MBD2: variants seen among roughly 807,000 people sequenced by gnomAD.
MBD2 encodes the protein methyl-CpG binding domain protein 2.
A neutral mutation model predicts 39.3 loss-of-function variants in MBD2; 9 were observed. That is an observed-to-expected ratio of 0.23 (90% CI 0.14 to 0.40). The LOEUF is 0.40. MBD2 is among the 10% of genes least tolerant of loss of function. The pLI is 1.00. For synonymous variants in MBD2, 233 were observed against 211.1 expected (o/e 1.10, Z -0.90); for missense variants, 458 against 532.6 (o/e 0.86, Z 1.38).
At chr18:54,190,572 G>A (rs1171617763) in intron 2 of MBD2, among the ~76,000 whole-genome samples, 1 of 152,174 alleles carries the variant, frequency 6.6e-6, no homozygotes, top group Admixed American at 6.5e-5. Flanking sequence ...TAAATGTGTG[G>A]AGAGCTCACG....
intron 1 of MBD2, among the ~76,000 whole-genome samples, chr18:54,209,383 G>A (rs1239055268): frequency 1.3e-5 from 2 of 150,908 alleles, no homozygotes; most frequent in African/African-American, 4.9e-5. Flanking sequence ...AGTTGGCAAT[G>A]AAGGAAAAAA....
At chr18:54,194,557 G>GTATATATATATATATATATATATATATA (rs147119140) in intron 2 of MBD2, among the ~76,000 whole-genome samples, 6 of 148,710 alleles carry the variant, frequency 4.0e-5, no homozygotes, top group African/African-American at 1.5e-4. Flanking sequence ...GTGTGTGTGT[G>GTATATATATATATATATATATATATATA]TATATATATA....
In MBD2 at chr18:54,166,155, C is replaced by T. The variant is rs772569943; in HGVS notation, c.852G>A (p.Glu284=). The T allele has an allele frequency of 1.4e-5, 23 of 1,612,704 alleles. No homozygotes were observed. Among genetic ancestry groups the T allele is most frequent in the African/African-American group, 2.7e-5 (2 of 74,914 alleles). The change falls in exon 4 of 7, where the codon GAG becomes GAA. Residue 284 remains glutamate, a synonymous_variant. Transcript: ENST00000256429. ...ATGCACTAAGTCCTTGTAGCCTCTT[C>T]TCCCAGAAAAGCTGTAAGGCAAAAT... ...MNEQPRQLFW[E]KRLQGLSASD...
At chr18:54,167,914 A>G (rs184541840) in intron 3 of MBD2, among the ~76,000 whole-genome samples, 95 of 151,700 alleles carry the variant, frequency 6.3e-4, no homozygotes, top group Non-Finnish European at 1.1e-3. Context: ...CTCTGGTGGA[A>G]TAACATCATC....
At chr18:54,204,929 T>A in intron 2 of MBD2, 69 bp downstream of exon 2, 1 of 1,486,998 alleles carries the variant, frequency 6.7e-7, no homozygotes, top group East Asian at 2.3e-5. Context: ...AGTCACTTAA[T>A]TATGATGTGA....
intron 1 of MBD2, among the ~76,000 whole-genome samples, chr18:54,212,712 T>C (rs537810548): frequency 1.3e-5 from 2 of 148,998 alleles, no homozygotes; most frequent in South Asian, 4.2e-4. Flanking sequence ...ATATCAAGAC[T>C]CTGGGCAAGT....
intron 5 of MBD2, among the ~76,000 whole-genome samples, chr18:54,163,109 T>C (rs2144279940): frequency 6.6e-6 from 1 of 151,948 alleles, no homozygotes; most frequent in South Asian, 2.1e-4. Flanking sequence ...CTGTCTCTAC[T>C]AAAAATAAAA....
At chr18:54,195,172 T>A (rs999870391) in intron 2 of MBD2, among the ~76,000 whole-genome samples, 1 of 152,076 alleles carries the variant, frequency 6.6e-6, no homozygotes, top group Non-Finnish European at 1.5e-5. Context: ...ATGTAAAGCC[T>A]CCACACAGCA....
intron 3 of MBD2, among the ~76,000 whole-genome samples, chr18:54,180,256 CCA>C (rs1234915957): frequency 6.6e-6 from 1 of 151,994 alleles, no homozygotes; most frequent in Non-Finnish European, 1.5e-5. Context: ...TTAATTCTCC[CCA>C]CAGATTTACA....
At position 54,220,079 on chromosome 18, in the gene MBD2, G is replaced by A. The variant is rs2086597384; in HGVS notation, c.542+3939C>T. The stretch of plus-strand genomic sequence containing the variant: ...GCCTCCCAAAGTGCTGGGATTACAG[G>A]CGTGAGCCACAGCGACCGACCTAGA... On this transcript the variant is annotated intron_variant, in intron 1 of 6. Coordinates refer to ENST00000256429, the MANE Select transcript of MBD2 (RefSeq NM_003927.5). Among the ~76,000 whole-genome samples, 4 of 152,316 alleles carry A rather than the reference G, an allele frequency of 2.6e-5. No individual in the cohort carries two copies. In the East Asian group the frequency reaches 7.7e-4, roughly 29 times the overall value.
intron 3 of MBD2, among the ~76,000 whole-genome samples, chr18:54,169,623 C>T (rs565989964): frequency 3.9e-5 from 6 of 152,258 alleles, no homozygotes; most frequent in Admixed American, 2.0e-4. Context: ...AAGGACTCCC[C>T]CTCTATGATG....
intron 3 of MBD2, among the ~76,000 whole-genome samples, chr18:54,170,085 T>C (rs1195008786): frequency 6.6e-6 from 1 of 152,232 alleles, no homozygotes; most frequent in Non-Finnish European, 1.5e-5. Flanking sequence ...TAACTGACAG[T>C]GCAGAGCATC....
chr18:54,191,224 G>C (rs2086317996), intron 2 of MBD2, among the ~76,000 whole-genome samples: 3 of 152,124 alleles, frequency 2.0e-5, no homozygotes, highest in Admixed American at 1.3e-4. Context: ...CCTGGCACTG[G>C]GCATTCAGCA....
At chr18:54,189,231 T>TA (rs2086303180) in intron 2 of MBD2, among the ~76,000 whole-genome samples, 1 of 150,032 alleles carries the variant, frequency 6.7e-6, no homozygotes, top group African/African-American at 2.4e-5. Flanking sequence ...TACTTTTTTT[T>TA]TTTTTTTTTT....
chr18:54,180,897 C>CCTT (rs2086246150), intron 3 of MBD2, among the ~76,000 whole-genome samples: 1 of 105,372 alleles, frequency 9.5e-6, no homozygotes, highest in African/African-American at 3.9e-5. Flanking sequence ...TTAATTTTTT[C>CCTT]TTTTTCTTTT....
intron 2 of MBD2, among the ~76,000 whole-genome samples, chr18:54,202,385 A>C (rs946367508): frequency 1.3e-5 from 2 of 152,220 alleles, no homozygotes; most frequent in Non-Finnish European, 2.9e-5. Flanking sequence ...ACCACAAAGC[A>C]AAACATTACC....
chr18:54,221,228 C>T (rs531329632), intron 1 of MBD2, among the ~76,000 whole-genome samples: 3 of 152,040 alleles, frequency 2.0e-5, no homozygotes, highest in South Asian at 2.1e-4. Flanking sequence ...GAGGCCAAGG[C>T]GGGTGGATCA....
At chr18:54,196,701 G>A (rs1426777587) in intron 2 of MBD2, among the ~76,000 whole-genome samples, 1 of 152,134 alleles carries the variant, frequency 6.6e-6, no homozygotes, top group African/African-American at 2.4e-5. Flanking sequence ...GCCATATCAT[G>A]GACAACTCTG....
At chr18:54,219,520 A>G (rs2086591740) in intron 1 of MBD2, among the ~76,000 whole-genome samples, 1 of 152,368 alleles carries the variant, frequency 6.6e-6, no homozygotes, top group East Asian at 1.9e-4. Context: ...GTTTAACTAC[A>G]TAGGAATTAT....
Sources: allele counts gnomAD v4.1 joint callset (sites outside exome capture counted in the v4.1 genomes callset), GRCh38; gene constraint gnomAD v4.1.1; transcripts MANE v1.5; gene names NCBI Gene and HGNC (gene_info 2026-07-23, HGNC 2026-07-21).